ATF1: variants seen among roughly 807,000 people sequenced by gnomAD.
ATF1 encodes cyclic AMP-dependent transcription factor ATF-1.
ATF1 carries 16 observed loss-of-function variants against 34.7 expected under a neutral mutation model. The observed-to-expected ratio is 0.46, with a 90% CI of 0.31 to 0.70. ATF1 has a LOEUF of 0.70. ATF1 is among the 30% of genes least tolerant of loss of function. ATF1 has a pLI of 0.05. For missense variants in ATF1, 255 were observed against 321.6 expected, an observed-to-expected ratio of 0.79 and a Z score of 1.58; for synonymous variants, 105 against 113.1, an observed-to-expected ratio of 0.93 and a Z score of 0.46.
chr12:50,793,550 T>G (rs1050041047), intron 2 of ATF1, among the ~76,000 whole-genome samples: 6 of 151,548 alleles, frequency 4.0e-5, no homozygotes, highest in Admixed American at 3.3e-4. Context: ...GGAGAATCGC[T>G]TGAACCCGGG....
intron 2 of ATF1, 65 bp from the exon 3 acceptor site, chr12:50,795,844 T>C: frequency 1.6e-6 from 2 of 1,287,016 alleles, no homozygotes; most frequent in Non-Finnish European, 2.2e-6. Context: ...TTTCTAAAAG[T>C]AAAAATTCAG....
rs149121591 is a variant in ATF1, at chr12:50,796,649, C to T, written c.194+640C>T. 7.6e-3 allele frequency among the ~76,000 whole-genome samples: 1,142 copies of T among 150,512 alleles called. 14 individuals are homozygous for T. Among genetic ancestry groups the T allele is most frequent in the African/African-American group, 0.025 (1,023 of 40,932 alleles). ...CTGGGAGGCGGAGGTTGCAGTGAGC[C>T]GAGATTGTGCCACTGCACTGCAGCC... On this transcript the variant is annotated intron_variant, in intron 3 of 6. Transcript: ENST00000262053.
intron 4 of ATF1, 77 bp downstream of exon 4, chr12:50,809,666 A>G: frequency 2.1e-6 from 3 of 1,422,252 alleles, no homozygotes; most frequent in Non-Finnish European, 2.9e-6. Context: ...GTGTTAGGAA[A>G]ACTGTAATAC....
At chr12:50,801,892 C>G (rs1025771352) in intron 3 of ATF1, among the ~76,000 whole-genome samples, 1 of 152,046 alleles carries the variant, frequency 6.6e-6, no homozygotes, top group African/African-American at 2.4e-5. Flanking sequence ...TCCCCTCTCA[C>G]CACTTCTAAA....
At chr12:50,774,324 C>T (rs553831924) in intron 1 of ATF1, among the ~76,000 whole-genome samples, 48 of 152,276 alleles carry the variant, frequency 3.2e-4, no homozygotes, top group African/African-American at 1.0e-3. Flanking sequence ...CGTGAGCCAC[C>T]GCGCCCGGCT....
chr12:50,806,100 GA>G (rs1404548580), intron 3 of ATF1, among the ~76,000 whole-genome samples: 1 of 151,020 alleles, frequency 6.6e-6, no homozygotes, highest in Non-Finnish European at 1.5e-5. Flanking sequence ...GCATTGAGCC[GA>G]GATTGCACCA....
At chr12:50,813,628 A>G (rs560026662) in intron 4 of ATF1, among the ~76,000 whole-genome samples, 5 of 152,186 alleles carry the variant, frequency 3.3e-5, no homozygotes, top group Admixed American at 6.5e-5. Flanking sequence ...AGCCTGGCCA[A>G]CATGGAGAAG....
At chr12:50,776,803 C>T (rs1940937500) in intron 1 of ATF1, among the ~76,000 whole-genome samples, 1 of 152,106 alleles carries the variant, frequency 6.6e-6, no homozygotes, top group East Asian at 1.9e-4. Context: ...ATGTTCATGA[C>T]AGTATTGTTT....
chr12:50,819,397 TG>T (rs1385468527), intron 6 of ATF1, among the ~76,000 whole-genome samples: 10 of 152,142 alleles, frequency 6.6e-5, no homozygotes, highest in Non-Finnish European at 1.5e-4. Context: ...GGAAGGGGCA[TG>T]AGGGAACTTT....
At chr12:50,782,752 C>T (rs190001432) in intron 2 of ATF1, among the ~76,000 whole-genome samples, 129 of 138,780 alleles carry the variant, frequency 9.3e-4, no homozygotes, top group East Asian at 2.1e-4. Context: ...TGCAGTGGTG[C>T]GATCTTGGCT....
chr12:50,779,082 C>T (rs2139648258), intron 1 of ATF1, among the ~76,000 whole-genome samples: 1 of 152,338 alleles, frequency 6.6e-6, no homozygotes, highest in East Asian at 1.9e-4. Flanking sequence ...CATGCTGTAG[C>T]ATGTGACAGG....
chr12:50,801,975 T>C (rs1941520637), intron 3 of ATF1, among the ~76,000 whole-genome samples: 1 of 152,158 alleles, frequency 6.6e-6, no homozygotes, highest in Non-Finnish European at 1.5e-5. Flanking sequence ...GTAAAACACT[T>C]TGTACATGAC....
chr12:50,782,193 A>ATG (rs1170693632), intron 2 of ATF1, among the ~76,000 whole-genome samples: 1 of 152,148 alleles, frequency 6.6e-6, no homozygotes, highest in African/African-American at 2.4e-5. Context: ...AACATAATTA[A>ATG]TGTAGAATCA....
intron 1 of ATF1, among the ~76,000 whole-genome samples, chr12:50,770,716 G>A (rs1478330635): frequency 6.6e-6 from 1 of 152,132 alleles, no homozygotes; most frequent in Non-Finnish European, 1.5e-5. Context: ...CAAAAACTAT[G>A]GTACACTTGT....
Position 50,765,442 on chromosome 12 carries a change from G to C in ATF1, c.-7+1135G>C, listed in dbSNP as rs75154938. Among the ~76,000 whole-genome samples the C allele has an allele frequency of 7.4e-4, 113 of 152,280 alleles. 1 individual carries two copies. The East Asian group carries it at 0.021, about 29-fold the overall frequency. ...GTGAGCTATCTGTCCATTCCTACCC[G>C]ATCACCAGCAGGTGGCAGTCCCTTC... On this transcript the variant is annotated intron_variant, in intron 1 of 6. Coordinates refer to ENST00000262053, the MANE Select transcript of ATF1 (RefSeq NM_005171.5).
Position 50,780,876 on chromosome 12 carries a change from C to T in ATF1, c.93+638C>T, listed in dbSNP as rs188870588. Among the ~76,000 whole-genome samples, 857 of 152,132 alleles carry T rather than the reference C, an allele frequency of 5.6e-3. 2 individuals carry two copies. The highest frequency in any genetic ancestry group is 8.5e-3 in the Non-Finnish European group (575 of 68,006). ...TCGGGAGGCTGAGGCAGGAGAATCGCTTGAGCCTGGGAGGTGGAGGTTGCA... is the reference window on the plus strand; with the variant it reads ...TCGGGAGGCTGAGGCAGGAGAATCGTTTGAGCCTGGGAGGTGGAGGTTGCA... On this transcript the variant is annotated intron_variant, in intron 2 of 6. Coordinates refer to ENST00000262053, the MANE Select transcript of ATF1 (RefSeq NM_005171.5).
chr12:50,791,107 G>A (rs1310580842), intron 2 of ATF1, among the ~76,000 whole-genome samples: 1 of 152,116 alleles, frequency 6.6e-6, no homozygotes, highest in East Asian at 1.9e-4. Flanking sequence ...AGTTAGAATG[G>A]CATTGTTTGT....
chr12:50,814,407 A>G lies in ATF1; in HGVS notation c.639A>G (p.Gln213=), dbSNP rs137918714. Residue 213 remains glutamine (Q), a synonymous_variant, in exon 6 of 7, where the codon CAA becomes CAG. Coordinates refer to ENST00000262053, the MANE Select transcript of ATF1 (RefSeq NM_005171.5). ...TSQTTKTDDP[Q]LKREIRLMKN... is the part of the protein sequence containing the mutation. ...AGACAACTAAGACAGATGACCCCCAATTGAAAAGAGAAATAAGGTTAATGA... is the reference window on the plus strand; with the variant it reads ...AGACAACTAAGACAGATGACCCCCAGTTGAAAAGAGAAATAAGGTTAATGA... The G allele has an allele frequency of 7.4e-6, 12 of 1,614,158 alleles. No homozygotes were observed. Among genetic ancestry groups the G allele is most frequent in the Admixed American group, 3.3e-5 (2 of 60,016 alleles).
intron 1 of ATF1, among the ~76,000 whole-genome samples, chr12:50,773,445 T>C (rs1012943614): frequency 2.9e-4 from 2 of 6,846 alleles, no homozygotes; most frequent in East Asian, 2.6e-3. Flanking sequence ...ATTGCCATTC[T>C]TTTTTTTTTT....
Sources: gnomAD v4.1 joint callset for allele counts (sites outside exome capture counted in the v4.1 genomes callset) on GRCh38, gnomAD v4.1.1 for gene constraint, MANE v1.5 for transcripts, NCBI Gene and HGNC (gene_info 2026-07-23, HGNC 2026-07-21) for gene names.